Variants in GABRB2 observed in about 807,000 individuals in gnomAD.
The protein encoded by GABRB2 is gamma-aminobutyric acid receptor subunit beta-2.
A neutral mutation model predicts 54.7 loss-of-function variants in GABRB2; 16 were observed. The ratio of observed to expected loss-of-function variants is 0.29; its 90% CI spans 0.20 to 0.44. GABRB2 has a LOEUF of 0.44. Among genes scored for constraint, GABRB2 ranks in the 20% least tolerant of loss-of-function variants. The pLI is 1.00. For synonymous variants in GABRB2, 244 were observed against 233.8 expected, an observed-to-expected ratio of 1.04 and a Z score of -0.40; for missense variants, 355 against 644.0, an observed-to-expected ratio of 0.55 and a Z score of 4.86.
intron 4 of GABRB2, among the ~76,000 whole-genome samples, chr5:161,421,773 C>G (rs1215930641): frequency 6.6e-6 from 1 of 152,062 alleles, no homozygotes; most frequent in African/African-American, 2.4e-5. Context: ...GAGTCAGTGA[C>G]CAATGGTCAG....
intron 5 of GABRB2, among the ~76,000 whole-genome samples, chr5:161,405,646 A>AG (rs1311911589): frequency 1.1e-4 from 17 of 152,064 alleles, no homozygotes; most frequent in Non-Finnish European, 1.9e-4. Context: ...TTATACTCTA[A>AG]GGTGCTATCG....
intron 4 of GABRB2, among the ~76,000 whole-genome samples, chr5:161,449,294 A>G (rs1238328408): frequency 1.3e-5 from 2 of 152,170 alleles, no homozygotes; most frequent in Non-Finnish European, 1.5e-5. Flanking sequence ...GTTTCACAAA[A>G]TTGTTTGATG....
intron 5 of GABRB2, among the ~76,000 whole-genome samples, chr5:161,339,744 A>G (rs1041645891): frequency 3.3e-5 from 5 of 152,070 alleles, no homozygotes; most frequent in Non-Finnish European, 5.9e-5. Flanking sequence ...CTGATACTGC[A>G]AGTTAGTTAC....
At chr5:161,428,669 C>A (rs1043597904) in intron 4 of GABRB2, among the ~76,000 whole-genome samples, 1 of 152,136 alleles carries the variant, frequency 6.6e-6, no homozygotes, top group African/African-American at 2.4e-5. Context: ...TTAATCTATT[C>A]ATAGATAGCC....
intron 5 of GABRB2, among the ~76,000 whole-genome samples, chr5:161,354,386 C>T (rs1754557663): frequency 6.6e-6 from 1 of 151,982 alleles, no homozygotes; most frequent in Non-Finnish European, 1.5e-5. Flanking sequence ...GACTGTGAGA[C>T]TCTCTAATAT....
intron 4 of GABRB2, 68 bp from the exon 5 acceptor site, chr5:161,411,125 A>G (rs1756506581): frequency 8.4e-7 from 1 of 1,186,442 alleles, no homozygotes; most frequent in Non-Finnish European, 1.2e-6. Flanking sequence ...ATTTAAATCT[A>G]AGTATCAAAG....
intron 3 of GABRB2, among the ~76,000 whole-genome samples, chr5:161,536,852 C>A (rs1279875963): frequency 1.3e-5 from 2 of 152,130 alleles, no homozygotes; most frequent in East Asian, 3.9e-4. Flanking sequence ...CCCACCTCGG[C>A]CTCCCAAAGT....
chr5:161,308,140 C>T (rs542691489), intron 9 of GABRB2, among the ~76,000 whole-genome samples: 88 of 152,240 alleles, frequency 5.8e-4, no homozygotes, highest in Non-Finnish European at 1.0e-3. Flanking sequence ...GGATTACAGG[C>T]GTGAGCCACC....
intron 3 of GABRB2, among the ~76,000 whole-genome samples, chr5:161,483,063 C>T (rs918340261): frequency 6.6e-6 from 1 of 151,958 alleles, no homozygotes; most frequent in African/African-American, 2.4e-5. Context: ...TTAATGGCTA[C>T]CAATAAGTCC....
intron 3 of GABRB2, among the ~76,000 whole-genome samples, chr5:161,526,089 T>C (rs1275654792): frequency 6.6e-6 from 1 of 151,402 alleles, no homozygotes; most frequent in Non-Finnish European, 1.5e-5. Flanking sequence ...TTCTAAATCT[T>C]CTAAAATGTA....
Position 161,446,339 on chromosome 5 carries a change from A to G in GABRB2, c.458+13285T>C, listed in dbSNP as rs530649679. On this transcript the variant is annotated intron_variant, in intron 4 of 9. Transcript: ENST00000393959. ...ACCTGGAGTGTGCCTGTTTTATTAAACATAAATTAGAGTTTATTATTATTT... is the reference window on the plus strand; with the variant it reads ...ACCTGGAGTGTGCCTGTTTTATTAAGCATAAATTAGAGTTTATTATTATTT... Among the ~76,000 whole-genome samples the G allele has an allele frequency of 2.0e-4, 31 of 152,258 alleles. No homozygotes were observed. The South Asian group carries it at 3.5e-3, about 17-fold the overall frequency.
At chr5:161,513,150 C>A (rs1038911223) in intron 3 of GABRB2, among the ~76,000 whole-genome samples, 2 of 151,620 alleles carry the variant, frequency 1.3e-5, no homozygotes, top group African/African-American at 2.4e-5. Flanking sequence ...TTAGAACAAC[C>A]ACTGTGGAAA....
chr5:161,402,077 T>G (rs1756212966), intron 5 of GABRB2, among the ~76,000 whole-genome samples: 1 of 151,436 alleles, frequency 6.6e-6, no homozygotes, highest in African/African-American at 2.4e-5. Context: ...ATATAAAAAT[T>G]TGTTTATATA....
chr5:161,409,837 C>T (rs1216607748), intron 5 of GABRB2, among the ~76,000 whole-genome samples: 1 of 152,012 alleles, frequency 6.6e-6, no homozygotes, highest in African/African-American at 2.4e-5. Flanking sequence ...AATTGAAATC[C>T]TATGGACTAA....
chr5:161,487,443 AAACATACTACTATT>A (rs1298043321), intron 3 of GABRB2, among the ~76,000 whole-genome samples: 6 of 151,904 alleles, frequency 3.9e-5, no homozygotes, highest in Non-Finnish European at 4.4e-5. Flanking sequence ...GATCAATTGT[AAACATACTACTATT>A]TGGGTTGAAA....
chr5:161,449,652 T>G (rs907216577), intron 4 of GABRB2, among the ~76,000 whole-genome samples: 1 of 152,148 alleles, frequency 6.6e-6, no homozygotes, highest in African/African-American at 2.4e-5. Flanking sequence ...TGTTTTTCAG[T>G]CTAAATGTAA....
intron 3 of GABRB2, among the ~76,000 whole-genome samples, chr5:161,482,291 G>A (rs115266795): frequency 0.014 from 2,206 of 152,140 alleles, 53 homozygotes; most frequent in African/African-American, 0.05. Flanking sequence ...AGTCTGCTAA[G>A]TCTATCCAGC....
At chr5:161,370,890 C>G (rs1357396783) in intron 5 of GABRB2, among the ~76,000 whole-genome samples, 1 of 152,112 alleles carries the variant, frequency 6.6e-6, no homozygotes, top group Admixed American at 6.6e-5. Flanking sequence ...CCAGACTTTA[C>G]GTTTTGGAAA....
intron 4 of GABRB2, among the ~76,000 whole-genome samples, chr5:161,419,357 G>A (rs1241951071): frequency 1.3e-5 from 2 of 152,180 alleles, no homozygotes; most frequent in African/African-American, 4.8e-5. Flanking sequence ...TACACTGTTG[G>A]TGGGAATGAA....
Sources: allele counts gnomAD v4.1 joint callset (sites outside exome capture counted in the v4.1 genomes callset), GRCh38; gene constraint gnomAD v4.1.1; transcripts MANE v1.5; gene names NCBI Gene and HGNC (gene_info 2026-07-23, HGNC 2026-07-21).